USP34: variants seen among roughly 807,000 people sequenced by gnomAD.
The protein encoded by USP34 is ubiquitin carboxyl-terminal hydrolase 34.
Under a neutral mutation model 460.3 loss-of-function variants are expected in USP34, and 70 were observed. The ratio of observed to expected loss-of-function variants is 0.15; its 90% CI spans 0.13 to 0.19. USP34 has a LOEUF of 0.19. Ranked by LOEUF, USP34 falls within the 10% of genes least tolerant of loss-of-function variation. USP34 has a pLI of 1.00. For missense variants in USP34, 3,985 were observed against 4,236.2 expected (o/e 0.94, Z 1.65); for synonymous variants, 1,647 against 1,405.3 (o/e 1.17, Z -3.85).
intron 1 of USP34, among the ~76,000 whole-genome samples, chr2:61,456,213 A>G (rs1695433892): frequency 1.3e-5 from 2 of 152,184 alleles, no homozygotes; most frequent in Admixed American, 6.6e-5. Flanking sequence ...CCCAGAAGCA[A>G]TTTCACCTCT....
In USP34 at chr2:61,190,323, G is replaced by C; in HGVS notation, c.9821C>G (p.Ser3274Cys). ...NLISQYQNLQ[S>C]DFSNRVEISK... ...AATTTCAACTCGGTTGGAGAAATCA[G>C]ACTGTAGGTTCTGATACTGGCTTAT... Residue 3274 changes from serine to cysteine, a missense_variant, in exon 78 of 80, where the codon TCT becomes TGT. Physicochemically the swap from Ser to Cys is moderately radical, Grantham distance 112. This residue lies in a region of USP34 where 506 missense variants were observed against 439.0 expected (regional missense o/e 1.15). Coordinates refer to ENST00000398571, the MANE Select transcript of USP34 (RefSeq NM_014709.4). 3 of 1,613,930 alleles carry C rather than the reference G, an allele frequency of 1.9e-6. No individual in the cohort carries two copies. The highest frequency in any genetic ancestry group is 2.5e-6 in the Non-Finnish European group (3 of 1,179,944).
At chr2:61,456,661 A>T (rs556178483) in intron 1 of USP34, among the ~76,000 whole-genome samples, 8 of 150,918 alleles carry the variant, frequency 5.3e-5, no homozygotes, top group Admixed American at 4.0e-4. Flanking sequence ...TACTAAAAAT[A>T]AAAAAAAATG....
chr2:61,425,137 G>A (rs2103983279), intron 1 of USP34, among the ~76,000 whole-genome samples: 1 of 152,194 alleles, frequency 6.6e-6, no homozygotes, highest in East Asian at 1.9e-4. Flanking sequence ...CTGAAAACAG[G>A]TGGGAGGCAG....
intron 75 of USP34, chr2:61,200,751 A>G (rs971937393): frequency 6.6e-6 from 1 of 152,416 alleles, no homozygotes; most frequent in Admixed American, 6.5e-5. Context: ...AATTATACAA[A>G]TTAAAATTCT....
chr2:61,235,625 A>G (rs902976421), intron 57 of USP34, among the ~76,000 whole-genome samples: 1 of 152,112 alleles, frequency 6.6e-6, no homozygotes, highest in Non-Finnish European at 1.5e-5. Context: ...CACCTGGCCA[A>G]AACATGAATT....
chr2:61,301,550 G>C (rs1178146934), intron 27 of USP34, 96 bp from the exon 28 acceptor site: 1 of 1,050,522 alleles, frequency 9.5e-7, no homozygotes, highest in Non-Finnish European at 1.4e-6. Context: ...CACACTGTAT[G>C]TTAAGTTTAA....
chr2:61,197,883 C>T (rs573527836), intron 75 of USP34, among the ~76,000 whole-genome samples: 1 of 152,220 alleles, frequency 6.6e-6, no homozygotes, highest in Non-Finnish European at 1.5e-5. Flanking sequence ...CCTCAGCCTC[C>T]CAAGCAGCTG....
At chr2:61,401,357 C>G (rs1693712787) in intron 3 of USP34, among the ~76,000 whole-genome samples, 1 of 151,364 alleles carries the variant, frequency 6.6e-6, no homozygotes, top group South Asian at 2.1e-4. Context: ...TCTGCCTCAG[C>G]CTCCCAAGTA....
At chr2:61,427,066 T>C (rs1456114179) in intron 1 of USP34, among the ~76,000 whole-genome samples, 3 of 152,152 alleles carry the variant, frequency 2.0e-5, no homozygotes, top group Non-Finnish European at 4.4e-5. Flanking sequence ...GACATGGAGT[T>C]GCCCAGGCTG....
intron 5 of USP34, among the ~76,000 whole-genome samples, chr2:61,390,711 A>G (rs1311724174): frequency 1.3e-5 from 2 of 152,186 alleles, no homozygotes; most frequent in Admixed American, 6.5e-5. Flanking sequence ...TGATAAGGTA[A>G]GAATTTCCTT....
Position 61,288,669 on chromosome 2 carries a change from C to A in USP34, c.4749+8G>T. 1.9e-6 allele frequency: 3 copies of A among 1,612,578 alleles called. No homozygotes were observed. Among genetic ancestry groups the A allele is most frequent in the Non-Finnish European group, 2.5e-6 (3 of 1,179,152 alleles). ...ATTCATCATTAAACATTAATTTCTGCACTTTACCTCTGTTAATCGTGGTAT... is the reference window on the plus strand; with the variant it reads ...ATTCATCATTAAACATTAATTTCTGAACTTTACCTCTGTTAATCGTGGTAT... On this transcript the variant is annotated splice_region_variant and intron_variant, in intron 34 of 79. Coordinates refer to ENST00000398571, the MANE Select transcript of USP34 (RefSeq NM_014709.4).
At chr2:61,189,989 T>C in intron 78 of USP34, 1 of 294,362 alleles carries the variant, frequency 3.4e-6, no homozygotes, top group African/African-American at 2.2e-5. Flanking sequence ...TCACAAGTAT[T>C]GTTTCCAAAA....
intron 1 of USP34, among the ~76,000 whole-genome samples, chr2:61,422,380 A>C (rs1694388760): frequency 6.6e-6 from 1 of 152,180 alleles, no homozygotes; most frequent in Non-Finnish European, 1.5e-5. Context: ...CCAGAAAACC[A>C]TCCTCACCAG....
intron 43 of USP34, among the ~76,000 whole-genome samples, chr2:61,260,940 G>C (rs1688859586): frequency 6.6e-6 from 1 of 152,090 alleles, no homozygotes; most frequent in Admixed American, 6.5e-5. Flanking sequence ...TAAATACATA[G>C]CCTGCATCTA....
chr2:61,257,614 C>T (rs1412841438), intron 44 of USP34, among the ~76,000 whole-genome samples: 2 of 152,120 alleles, frequency 1.3e-5, no homozygotes, highest in Non-Finnish European at 2.9e-5. Flanking sequence ...TCAAATGACT[C>T]ACAGCCGGGC....
chr2:61,299,647 A>AT lies in USP34; in HGVS notation c.4128+1303_4128+1304insA. Reference sequence around the variant, plus strand: ...GCACCTGGAGTTCCACCTATTCAGGACGCTGAGGCAGCAGGATCACTTGAA... The same window carrying AT: ...GCACCTGGAGTTCCACCTATTCAGGATCGCTGAGGCAGCAGGATCACTTGAA... On this transcript the variant is annotated intron_variant, in intron 29 of 79. Transcript: ENST00000398571. Among the ~76,000 whole-genome samples the AT allele has an allele frequency of 1.3e-5, 2 of 151,370 alleles. 1 individual carries two copies. Among genetic ancestry groups the AT allele is most frequent in the South Asian group, 4.2e-4 (2 of 4,754 alleles).
chr2:61,253,342 G>C (rs1424873162), intron 48 of USP34, among the ~76,000 whole-genome samples: 12 of 152,176 alleles, frequency 7.9e-5, no homozygotes, highest in Admixed American at 4.6e-4. Flanking sequence ...TCAGACCCTT[G>C]ATGATCTTTT....
chr2:61,259,284 A>C (rs1339607990), intron 44 of USP34, among the ~76,000 whole-genome samples: 5 of 152,160 alleles, frequency 3.3e-5, no homozygotes, highest in African/African-American at 1.2e-4. Flanking sequence ...ATAAATAAAA[A>C]AGTAAGAAAA....
At chr2:61,368,587 G>GA (rs1215192630) in intron 10 of USP34, among the ~76,000 whole-genome samples, 2 of 152,002 alleles carry the variant, frequency 1.3e-5, no homozygotes, top group South Asian at 2.1e-4. Flanking sequence ...ACCCAGTCAA[G>GA]AAAAAATTGG....
Sources: gnomAD v4.1 joint callset for allele counts (sites outside exome capture counted in the v4.1 genomes callset) on GRCh38, gnomAD v4.1.1 for gene constraint, gnomAD v4.1.1 regional missense constraint, MANE v1.5 for transcripts, NCBI Gene and HGNC (gene_info 2026-07-23, HGNC 2026-07-21) for gene names.